Variants in SHANK2 observed in about 807,000 individuals in gnomAD.
SHANK2 encodes the protein SH3 and multiple ankyrin repeat domains 2, also known as SH3 and multiple ankyrin repeat domains protein 2.
A neutral mutation model predicts 133.7 loss-of-function variants in SHANK2; 43 were observed. The observed-to-expected ratio is 0.32, with a 90% confidence interval of 0.25 to 0.41. The LOEUF is 0.41. Ranked by LOEUF, SHANK2 falls within the 10% of genes least tolerant of loss-of-function variation. SHANK2 has a pLI of 1.00. For missense variants in SHANK2, 1,994 were observed against 2,235.8 expected, an observed-to-expected ratio of 0.89 and a Z score of 2.18; for synonymous variants, 1,017 against 952.8, an observed-to-expected ratio of 1.07 and a Z score of -1.24.
chr11:70,700,223 A>T (rs978786101), intron 14 of SHANK2, among the ~76,000 whole-genome samples: 7 of 152,142 alleles, frequency 4.6e-5, no homozygotes, highest in African/African-American at 1.7e-4. Flanking sequence ...CAGCCACATC[A>T]TCACCATCTC....
chr11:70,633,432 C>T (rs1406667056), intron 17 of SHANK2: 2 of 152,106 alleles, frequency 1.3e-5, no homozygotes, highest in African/African-American at 2.4e-5. Context: ...AACCAACTCA[C>T]TGGACATCAG....
chr11:70,811,560 G>GATCC (rs1200638193), intron 12 of SHANK2, among the ~76,000 whole-genome samples: 1 of 150,420 alleles, frequency 6.6e-6, no homozygotes, highest in East Asian at 2.0e-4. Flanking sequence ...ATCCATCATC[G>GATCC]ATCCATCCAT....
chr11:70,526,300 C>T (rs2059395212), intron 17 of SHANK2, among the ~76,000 whole-genome samples: 1 of 152,142 alleles, frequency 6.6e-6, no homozygotes, highest in African/African-American at 2.4e-5. Flanking sequence ...TTCCACCAGC[C>T]ATAACCACAG....
chr11:71,151,054 A>C (rs1332035188), intron 2 of SHANK2, among the ~76,000 whole-genome samples: 3 of 152,094 alleles, frequency 2.0e-5, no homozygotes, highest in Non-Finnish European at 4.4e-5. Flanking sequence ...AAAGGGCGAC[A>C]TGATTCACCC....
At chr11:70,635,708 G>A (rs1414719023) in intron 17 of SHANK2, among the ~76,000 whole-genome samples, 9 of 152,018 alleles carry the variant, frequency 5.9e-5, no homozygotes, top group East Asian at 5.8e-4. Context: ...TAAATTTTAC[G>A]GTATGTGCAC....
intron 10 of SHANK2, among the ~76,000 whole-genome samples, chr11:70,938,435 T>C (rs1555083786): frequency 1.3e-5 from 2 of 152,150 alleles, no homozygotes; most frequent in African/African-American, 4.8e-5. Context: ...TCCTGAAAAC[T>C]TACATGCAGC....
Position 70,487,173 on chromosome 11 carries a change from G to A in SHANK2, c.3120C>T (p.Ser1040=), listed in dbSNP as rs782245412. Residue 1040 remains serine, a synonymous_variant, in exon 25 of 26, where the codon TCC becomes TCT. Coordinates refer to ENST00000601538, the MANE Select transcript of SHANK2 (RefSeq NM_012309.5). This position sits in a 1 kb window ranked among gnomAD's most constrained non-coding sequence, Gnocchi z 5.8. The part of the protein sequence containing the change: ...PIPTIIVKEP[S]TSSSGKSSQG... The stretch of plus-strand genomic sequence containing the variant: ...GGCTGCTCTTGCCGCTGCTGCTGGT[G>A]GACGGCTCCTTCACGATGATGGTCG... 92 of 1,613,366 alleles carry A rather than the reference G, an allele frequency of 5.7e-5. No individual in the cohort carries two copies. Among genetic ancestry groups the A allele is most frequent in the Non-Finnish European group, 7.5e-5 (88 of 1,180,050 alleles).
chr11:70,799,506 A>G (rs1590693951), intron 13 of SHANK2, among the ~76,000 whole-genome samples: 2 of 152,372 alleles, frequency 1.3e-5, no homozygotes, highest in Admixed American at 1.3e-4. Context: ...TTAAAATGGA[A>G]GAAACTGCAC....
chr11:70,723,827 A>G (rs1555029862), intron 14 of SHANK2, among the ~76,000 whole-genome samples: 1 of 152,178 alleles, frequency 6.6e-6, no homozygotes, highest in African/African-American at 2.4e-5. Context: ...AGCAAACTGA[A>G]GAAAGAAACA....
At position 70,472,882 on chromosome 11, in the gene SHANK2, A is replaced by T. The variant is rs781975769; in HGVS notation, c.5537T>A (p.Leu1846Gln). The T allele has an allele frequency of 6.2e-7, 1 of 1,614,162 alleles. No homozygotes were observed. The highest frequency in any genetic ancestry group is 2.2e-5 in the East Asian group (1 of 44,882). Residue 1846 changes from leucine (L) to glutamine (Q), a missense_variant, in exon 26 of 26, where the codon CTG becomes CAG. Leu to Gln is a moderately radical substitution (Grantham distance 113, BLOSUM62 -2). Coordinates refer to ENST00000601538, the MANE Select transcript of SHANK2 (RefSeq NM_012309.5). The surrounding 1 kb of genome is among the most constrained non-coding windows in gnomAD (Gnocchi z 4.4). ...RMNIERALKQ[L>Q]LDR ...GAGCAGCCGTCCTTATCTGTCCAGC[A>T]GCTGTTTCAAAGCCCTTTCTATGTT...
chr11:70,748,429 G>C (rs1946687475), intron 14 of SHANK2, among the ~76,000 whole-genome samples: 1 of 152,082 alleles, frequency 6.6e-6, no homozygotes, highest in Non-Finnish European at 1.5e-5. Context: ...AACCATGGTG[G>C]GTGCCTGGCT....
intron 2 of SHANK2, among the ~76,000 whole-genome samples, chr11:71,159,544 C>G (rs1555109555): frequency 6.6e-6 from 1 of 152,116 alleles, no homozygotes; most frequent in Admixed American, 6.5e-5. Flanking sequence ...AATTAGCCAG[C>G]CACAAATATG....
rs781863564 is a variant in SHANK2 at position 70,490,334 on chromosome 11, G to T, written c.2493C>A (p.Ser831Arg). The T allele has an allele frequency of 9.9e-6, 16 of 1,614,094 alleles. No homozygotes were observed. The highest frequency in any genetic ancestry group is 1.6e-4 in the Middle Eastern group (1 of 6,084). ...GGATGCCCAGAAACGGGGCTTTTGG[G>T]CTCCCAGGAACAGTGGGCGTCATCA... is the stretch of plus-strand genomic sequence containing the variant. ...IAVMTPTVPG[S>R]PKAPFLGIPR... Residue 831 changes from serine (S) to arginine (R), a missense_variant, in exon 23 of 26, where the codon AGC becomes AGA. Coordinates refer to ENST00000601538, the MANE Select transcript of SHANK2 (RefSeq NM_012309.5).
chr11:70,736,020 C>T (rs574679932), intron 14 of SHANK2, among the ~76,000 whole-genome samples: 4 of 151,664 alleles, frequency 2.6e-5, no homozygotes, highest in African/African-American at 4.9e-5. Context: ...TCCAGGCCAT[C>T]GCCTTCCTCC....
chr11:70,823,739 A>G, intron 11 of SHANK2, among the ~76,000 whole-genome samples: 1 of 146,472 alleles, frequency 6.8e-6, no homozygotes, highest in African/African-American at 2.6e-5. Flanking sequence ...TGAGGGACAG[A>G]GGTGGCGTTG....
At chr11:70,741,475 T>C (rs1278464777) in intron 14 of SHANK2, among the ~76,000 whole-genome samples, 5 of 152,170 alleles carry the variant, frequency 3.3e-5, no homozygotes, top group Admixed American at 6.5e-5. Context: ...CATTGCATAG[T>C]CACTCATCCA....
intron 14 of SHANK2, among the ~76,000 whole-genome samples, chr11:70,776,938 C>T: frequency 6.6e-6 from 1 of 150,704 alleles, no homozygotes; most frequent in Admixed American, 6.6e-5. Flanking sequence ...TTCATTTAGA[C>T]ATCCATCCAC....
intron 11 of SHANK2, among the ~76,000 whole-genome samples, chr11:70,894,591 C>T (rs1454955116): frequency 2.0e-5 from 3 of 152,190 alleles, no homozygotes; most frequent in Non-Finnish European, 4.4e-5. Flanking sequence ...TCAGGGGTAG[C>T]AGCCCCAATA....
At chr11:71,111,835 A>C (rs1555099301) in intron 5 of SHANK2, among the ~76,000 whole-genome samples, 4 of 152,252 alleles carry the variant, frequency 2.6e-5, no homozygotes, top group African/African-American at 9.6e-5. Flanking sequence ...TGCACATCAG[A>C]GGGTGATAAA....
Sources: allele counts gnomAD v4.1 joint callset (sites outside exome capture counted in the v4.1 genomes callset), GRCh38; gene constraint gnomAD v4.1.1; non-coding constraint Gnocchi (gnomAD v3.1); transcripts MANE v1.5; gene names NCBI Gene and HGNC (gene_info 2026-07-23, HGNC 2026-07-21).